The following RGPD1 variants were observed in gnomAD, a reference collection of about 807,000 sequenced individuals.
RGPD1 encodes the protein RANBP2 like and GRIP domain containing 1, also known as RANBP2-like and GRIP domain-containing protein 1.
In RGPD1, 7 loss-of-function variants were observed where a neutral mutation model predicts 40.6. The observed-to-expected ratio is 0.17, with a 90% confidence interval of 0.10 to 0.32. The LOEUF (loss-of-function observed/expected upper bound fraction) is 0.32. Ranked by LOEUF, RGPD1 falls within the 10% of genes least tolerant of loss-of-function variation. RGPD1 has a pLI of 1.00. For missense variants in RGPD1, 50 were observed against 472.5 expected (o/e 0.11, Z 8.29); for synonymous variants, 24 against 167.0 (o/e 0.14, Z 6.60).
chr2:86,943,367 C>G (rs1426090741), intron 1 of RGPD1, among the ~76,000 whole-genome samples: 2 of 144,666 alleles, frequency 1.4e-5, no homozygotes, highest in Non-Finnish European at 3.0e-5. Flanking sequence ...GTATGGCTTA[C>G]AATTTTTAAC....
intron 1 of RGPD1, among the ~76,000 whole-genome samples, chr2:86,928,347 G>A (rs548729694): frequency 1.3e-5 from 2 of 152,286 alleles, no homozygotes; most frequent in South Asian, 2.1e-4. Flanking sequence ...AGAATAATAA[G>A]AGAATAAATT....
At chr2:86,923,033 C>CTTTT (rs1196456916) in intron 1 of RGPD1, among the ~76,000 whole-genome samples, 2 of 54,500 alleles carry the variant, frequency 3.7e-5, no homozygotes, top group Non-Finnish European at 6.6e-5. Context: ...TGGTATATTC[C>CTTTT]TTTTTTTTTT....
intron 1 of RGPD1, among the ~76,000 whole-genome samples, chr2:86,929,663 A>G (rs1678766818): frequency 8.4e-6 from 1 of 118,740 alleles, no homozygotes; most frequent in African/African-American, 3.0e-5. Flanking sequence ...AGGAGCTCAA[A>G]GTAACCTGAC....
chr2:86,924,225 G>A (rs1678283199), intron 1 of RGPD1, among the ~76,000 whole-genome samples: 1 of 151,784 alleles, frequency 6.6e-6, no homozygotes, highest in Non-Finnish European at 1.5e-5. Context: ...GCACGATCTC[G>A]GCTCACTGCA....
intron 1 of RGPD1, among the ~76,000 whole-genome samples, chr2:86,914,255 G>A (rs1483792123): frequency 1.1e-5 from 1 of 88,956 alleles, no homozygotes; most frequent in Non-Finnish European, 2.3e-5. Flanking sequence ...CGGCGGCGGC[G>A]GCCTCGGCCT....
rs1258718786 is a variant in RGPD1, at chr2:86,942,213, C to T, written c.-24C>T. The T allele has an allele frequency of 1.2e-4, 196 of 1,595,282 alleles. No individual in the cohort carries two copies. Among genetic ancestry groups the T allele is most frequent in the Middle Eastern group, 2.3e-4 (1 of 4,416 alleles). ...GGGGCTGAGCGCTGGTTTCACGCGTCTCGGGAGCCAGGTTGGCGGTGCGAT... is the reference window on the plus strand; with the variant it reads ...GGGGCTGAGCGCTGGTTTCACGCGTTTCGGGAGCCAGGTTGGCGGTGCGAT... On this transcript the variant is annotated 5_prime_UTR_variant, in exon 1 of 23. Transcript: ENST00000641458.
chr2:86,941,277 A>G (rs1679725350), upstream of RGPD1, among the ~76,000 whole-genome samples: 2 of 149,568 alleles, frequency 1.3e-5, no homozygotes, highest in African/African-American at 4.9e-5. Context: ...ACATTTTTGA[A>G]GATTTGGAAA....
At chr2:86,922,897 T>C (rs1239896059) in intron 1 of RGPD1, among the ~76,000 whole-genome samples, 896 of 123,230 alleles carry the variant, frequency 7.3e-3, no homozygotes, top group African/African-American at 0.026. Context: ...TTAATGTATG[T>C]ATTACTGCAT....
rs1160123598 is a variant in RGPD1 at position 86,918,453 on chromosome 2, CTTTTT to C, written c.72+4552_72+4556del. 4.3e-3 allele frequency among the ~76,000 whole-genome samples: 339 copies of C among 78,100 alleles called. 6 individuals carry two copies. The highest frequency in any genetic ancestry group is 0.023 in the South Asian group (46 of 2,006). The allele number at this position is 78,100 out of a possible 152,430, so 51.2% of individuals were successfully genotyped here. A position where few individuals can be genotyped will look rare whatever the true frequency, so the allele number is the denominator to read the frequency against. ...TATGTTTTAGCCTTGCACACCAAAT[CTTTTT>C]TTTTTTTTTTTTTTTTTTTGAGACA... On this transcript the variant is annotated intron_variant, in intron 1 of 22. Transcript: ENST00000398193.
intron 1 of RGPD1, among the ~76,000 whole-genome samples, chr2:86,933,296 G>T (rs1288455520): frequency 2.0e-5 from 3 of 149,638 alleles, no homozygotes; most frequent in African/African-American, 7.3e-5. Flanking sequence ...GAAGATTCAT[G>T]GATTTTGAGT....
intron 1 of RGPD1, chr2:86,934,769 C>T (rs889494096): frequency 5.7e-6 from 1 of 176,126 alleles, no homozygotes; most frequent in African/African-American, 2.4e-5. Context: ...TCCTATTCGG[C>T]TGGTTTGAGG....
At chr2:87,003,359 A>T (rs1431476084) in intron 22 of RGPD1, among the ~76,000 whole-genome samples, 1 of 149,760 alleles carries the variant, frequency 6.7e-6, no homozygotes, top group African/African-American at 2.5e-5. Flanking sequence ...TGAAAATGCT[A>T]CTCTGCCTAA....
upstream of RGPD1, among the ~76,000 whole-genome samples, chr2:86,939,705 CTTCAGTGCTCA>C (rs1679603946): frequency 2.5e-5 from 3 of 121,368 alleles, no homozygotes; most frequent in Admixed American, 8.2e-5. Flanking sequence ...GGGCAAGTTG[CTTCAGTGCTCA>C]TTCTCTTGGT....
intron 1 of RGPD1, among the ~76,000 whole-genome samples, chr2:86,924,379 C>T (rs1454796029): frequency 6.6e-6 from 1 of 150,632 alleles, no homozygotes; most frequent in Non-Finnish European, 1.5e-5. Context: ...TGGTCTCAAA[C>T]TCCTGGCCTC....
At chr2:86,914,668 CCTCGACCTGGCCG>C (rs1250845310) in intron 1 of RGPD1, among the ~76,000 whole-genome samples, 4 of 34,904 alleles carry the variant, frequency 1.1e-4, no homozygotes, top group Non-Finnish European at 1.7e-4. Context: ...GCGGCGGCGG[CCTCGACCTGGCCG>C]GGCGGCGGCG....
chr2:86,947,605 C>T (rs1322569515), intron 1 of RGPD1, among the ~76,000 whole-genome samples: 1 of 117,658 alleles, frequency 8.5e-6, no homozygotes, highest in Non-Finnish European at 1.8e-5. Context: ...TTTCTTTGAC[C>T]ATTTCTTACC....
intron 1 of RGPD1, among the ~76,000 whole-genome samples, chr2:86,935,984 T>C (rs978095693): frequency 1.4e-5 from 2 of 139,492 alleles, no homozygotes; most frequent in African/African-American, 5.1e-5. Flanking sequence ...TATTTTCTTA[T>C]CAAAAACAAA....
At chr2:86,923,075 G>C (rs1368978739) in intron 1 of RGPD1, among the ~76,000 whole-genome samples, 3 of 92,808 alleles carry the variant, frequency 3.2e-5, no homozygotes, top group East Asian at 6.6e-4. Context: ...TATCGTTCTT[G>C]TTGCCCGGGA....
At chr2:86,941,751 C>G (rs1280078216), upstream of RGPD1, among the ~76,000 whole-genome samples, 1 of 150,506 alleles carries the variant, frequency 6.6e-6, no homozygotes. Flanking sequence ...CTTACTCTCG[C>G]CCAGGCTTGA....
Sources: gnomAD v4.1 joint callset for allele counts (sites outside exome capture counted in the v4.1 genomes callset) on GRCh38, gnomAD v4.1.1 for gene constraint, MANE v1.5 for transcripts, NCBI Gene and HGNC (gene_info 2026-07-23, HGNC 2026-07-21) for gene names.